The following SLIT3 variants were observed in gnomAD, a reference collection of about 807,000 sequenced individuals.
SLIT3 encodes slit guidance ligand 3.
SLIT3 carries 68 observed loss-of-function variants against 184.0 expected under a neutral mutation model. That is an observed-to-expected ratio of 0.37 (90% CI 0.30 to 0.45). SLIT3 has a LOEUF of 0.45. Ranked by LOEUF, SLIT3 falls within the 20% of genes least tolerant of loss-of-function variation. The probability of loss-of-function intolerance (pLI) is 1.00; values close to 1 mark genes in which losing one functional copy is unlikely to be tolerated. For missense variants in SLIT3, 1,707 were observed against 2,026.0 expected (o/e 0.84, Z 3.02); for synonymous variants, 831 against 828.6 (o/e 1.00, Z -0.05).
At chr5:168,775,367 C>T (rs1381563831) in intron 12 of SLIT3, among the ~76,000 whole-genome samples, 1 of 152,116 alleles carries the variant, frequency 6.6e-6, no homozygotes, top group Non-Finnish European at 1.5e-5. Flanking sequence ...TCAGACACAC[C>T]AGATTTTTCC....
chr5:169,038,758 C>T (rs1334249203), intron 4 of SLIT3, among the ~76,000 whole-genome samples: 5 of 140,972 alleles, frequency 3.5e-5, no homozygotes, highest in South Asian at 2.1e-4. Context: ...CCACAGCCTG[C>T]GTTCTATGGC....
At chr5:169,053,157 C>A (rs912275427) in intron 4 of SLIT3, among the ~76,000 whole-genome samples, 12 of 152,190 alleles carry the variant, frequency 7.9e-5, no homozygotes, top group African/African-American at 2.9e-4. Flanking sequence ...GTTGGATTCC[C>A]TTTTCTAAGG....
intron 2 of SLIT3, among the ~76,000 whole-genome samples, chr5:169,247,055 C>G (rs1193947452): frequency 6.6e-6 from 1 of 151,386 alleles, no homozygotes. Flanking sequence ...AAGGTGAAAC[C>G]CTGTCTCTAC....
chr5:169,079,625 A>AG (rs1758901998), intron 4 of SLIT3, among the ~76,000 whole-genome samples: 1 of 50,004 alleles, frequency 2.0e-5, no homozygotes, highest in Non-Finnish European at 3.7e-5. Flanking sequence ...GGAGGAGAGA[A>AG]GAGGAGGAGG....
chr5:168,954,449 T>C (rs1313690708), intron 4 of SLIT3, among the ~76,000 whole-genome samples: 1 of 151,560 alleles, frequency 6.6e-6, no homozygotes, highest in East Asian at 1.9e-4. Context: ...TCTCCGAGAG[T>C]AAAGGAAGAA....
intron 24 of SLIT3, 65 bp downstream of exon 24, chr5:168,712,218 T>C (rs1762580975): frequency 6.5e-6 from 9 of 1,394,586 alleles, no homozygotes; most frequent in Non-Finnish European, 8.2e-6. Flanking sequence ...AGTGATGACA[T>C]TGTCGCTGAC....
chr5:169,094,446 G>T (rs1440579964), intron 4 of SLIT3, among the ~76,000 whole-genome samples: 4 of 152,118 alleles, frequency 2.6e-5, no homozygotes, highest in African/African-American at 4.8e-5. Flanking sequence ...CTGGCCAACA[G>T]AGTGAAACCC....
In SLIT3 at chr5:169,125,279, G is replaced by A. The variant is rs1481254234; in HGVS notation, c.413+68200C>T. Among the ~76,000 whole-genome samples the A allele has an allele frequency of 3.9e-5, 6 of 152,210 alleles. No homozygotes were observed. In the South Asian group the frequency reaches 6.2e-4, roughly 16 times the overall value. ...ACCAGGATGGTCTCGATCTTCTGAC[G>A]TGGTGATCCACCTGCCTTGGCCTCC... is the stretch of plus-strand genomic sequence containing the variant. On this transcript the variant is annotated intron_variant, in intron 4 of 35. Transcript: ENST00000519560.
intron 4 of SLIT3, chr5:169,012,272 C>T (rs1756184955): frequency 1.3e-5 from 2 of 152,352 alleles, no homozygotes; most frequent in South Asian, 4.1e-4. Context: ...CAGCCATCCA[C>T]TTCAGGTGTG....
intron 8 of SLIT3, among the ~76,000 whole-genome samples, chr5:168,810,451 T>C (rs144768377): frequency 7.9e-5 from 12 of 152,312 alleles, no homozygotes; most frequent in Non-Finnish European, 1.8e-4. Flanking sequence ...ATTAGGAGCA[T>C]GTGGACTTGC....
At chr5:169,010,796 G>T (rs1327870265) in intron 4 of SLIT3, among the ~76,000 whole-genome samples, 2 of 151,966 alleles carry the variant, frequency 1.3e-5, no homozygotes, top group Non-Finnish European at 2.9e-5. Context: ...CCAGCTACTT[G>T]GGAGGCTGAG....
At chr5:168,975,615 A>T (rs1470770763) in intron 4 of SLIT3, among the ~76,000 whole-genome samples, 4 of 152,174 alleles carry the variant, frequency 2.6e-5, no homozygotes. Flanking sequence ...GGTTGTATAG[A>T]AGGAAGGAGA....
intron 4 of SLIT3, among the ~76,000 whole-genome samples, chr5:169,015,079 T>C (rs1756311288): frequency 6.7e-6 from 1 of 150,330 alleles, no homozygotes; most frequent in Non-Finnish European, 1.5e-5. Flanking sequence ...CCATATAAAA[T>C]GAATTACAAA....
intron 5 of SLIT3, among the ~76,000 whole-genome samples, chr5:168,851,542 A>C (rs1454321487): frequency 6.6e-6 from 1 of 152,144 alleles, no homozygotes; most frequent in African/African-American, 2.4e-5. Flanking sequence ...GGACCAAGGA[A>C]GTTTGGTTAC....
intron 4 of SLIT3, among the ~76,000 whole-genome samples, chr5:169,121,601 C>T (rs1199587056): frequency 6.6e-6 from 1 of 152,212 alleles, no homozygotes; most frequent in Non-Finnish European, 1.5e-5. Flanking sequence ...GGAAGCCATT[C>T]TATGAGGTGA....
At chr5:169,066,671 A>G (rs1278687109) in intron 4 of SLIT3, among the ~76,000 whole-genome samples, 5 of 152,338 alleles carry the variant, frequency 3.3e-5, no homozygotes, top group African/African-American at 1.2e-4. Flanking sequence ...ACTCCCTTTG[A>G]CCGGCATGTA....
At chr5:169,238,027 C>T (rs1765261533) in intron 3 of SLIT3, among the ~76,000 whole-genome samples, 2 of 152,110 alleles carry the variant, frequency 1.3e-5, no homozygotes, top group African/African-American at 2.4e-5. Context: ...ACTGTATTTG[C>T]ATAGGTCTAT....
intron 4 of SLIT3, among the ~76,000 whole-genome samples, chr5:169,074,599 G>A (rs1758670499): frequency 6.6e-6 from 1 of 152,170 alleles, no homozygotes; most frequent in Non-Finnish European, 1.5e-5. Context: ...GTACCTTTCT[G>A]AAGGTCTCAA....
At chr5:168,686,625 C>T (rs2113230078) in intron 30 of SLIT3, among the ~76,000 whole-genome samples, 1 of 152,334 alleles carries the variant, frequency 6.6e-6, no homozygotes, top group South Asian at 2.1e-4. Flanking sequence ...GCCAGTGTGG[C>T]CATGTGGCTA....
Sources: gnomAD v4.1 joint callset for allele counts (sites outside exome capture counted in the v4.1 genomes callset) on GRCh38, gnomAD v4.1.1 for gene constraint, MANE v1.5 for transcripts, NCBI Gene and HGNC (gene_info 2026-07-23, HGNC 2026-07-21) for gene names.